HDX: variants seen among roughly 807,000 people sequenced by gnomAD.
HDX encodes the protein chromosome X open reading frame 43.
Under a neutral mutation model 45.2 loss-of-function variants are expected in HDX, and 19 were observed. That is an observed-to-expected ratio of 0.42 (90% confidence interval 0.29 to 0.62). HDX has a LOEUF of 0.62. Among genes scored for constraint, HDX ranks in the 20% least tolerant of loss-of-function variants. The pLI is 0.20. For missense variants in HDX, 532 were observed against 493.9 expected (o/e 1.08, Z -0.73); for synonymous variants, 188 against 172.8 (o/e 1.09, Z -0.69).
intron 5 of HDX, among the ~76,000 whole-genome samples, chrX:84,420,377 A>G (rs2039223912): frequency 9.0e-6 from 1 of 111,395 alleles, no homozygotes; most frequent in South Asian, 3.8e-4. Flanking sequence ...AATAGTAGAA[A>G]TGATCAAACG....
intron 9 of HDX, among the ~76,000 whole-genome samples, chrX:84,331,616 C>T (rs749282872): frequency 5.4e-5 from 6 of 111,279 alleles, no homozygotes; most frequent in Non-Finnish European, 9.5e-5. Context: ...TGTATAACAA[C>T]GTTTCAGTCA....
intron 5 of HDX, among the ~76,000 whole-genome samples, chrX:84,406,643 A>T (rs1409536773): frequency 9.0e-6 from 1 of 111,124 alleles, no homozygotes; most frequent in East Asian, 2.8e-4. Flanking sequence ...AATGTTCAAG[A>T]TATGAGATTA....
chrX:84,341,755 C>T (rs1430647248), intron 7 of HDX, among the ~76,000 whole-genome samples: 3 of 106,091 alleles, frequency 2.8e-5, no homozygotes, highest in African/African-American at 1.0e-4. Context: ...GAAGTCACTA[C>T]GTTGCTGAGG....
chrX:84,377,504 A>G (rs1347152619), intron 5 of HDX, among the ~76,000 whole-genome samples: 1 of 111,802 alleles, frequency 8.9e-6, no homozygotes, highest in African/African-American at 3.3e-5. Context: ...AAGCTCATAC[A>G]GAGAAGAAAT....
In HDX at chrX:84,328,617, A is replaced by C. The variant is rs185061984; in HGVS notation, c.1825-2317T>G. Among the ~76,000 whole-genome samples, 395 of 111,541 alleles carry C rather than the reference A, an allele frequency of 3.5e-3. 1 individual carries two copies. Among genetic ancestry groups the C allele is most frequent in the African/African-American group, 0.012 (368 of 30,723 alleles). ...CTGAATGACCAATAAGCACGTCAAA[A>C]TATGCTTAATATCATTTGTTCTTAA... On this transcript the variant is annotated intron_variant, in intron 9 of 10. Transcript: ENST00000373177.
At chrX:84,335,442 T>G (rs1198632860) in intron 8 of HDX, among the ~76,000 whole-genome samples, 1 of 111,505 alleles carries the variant, frequency 9.0e-6, no homozygotes, top group African/African-American at 3.2e-5. Flanking sequence ...AATTGCTTTT[T>G]GAAAAATTAG....
At chrX:84,377,755 A>AG (rs753295974) in intron 5 of HDX, among the ~76,000 whole-genome samples, 1 of 111,452 alleles carries the variant, frequency 9.0e-6, no homozygotes, top group East Asian at 2.8e-4. Context: ...TAGAGGATCT[A>AG]GAAAATAGAC....
chrX:84,450,864 GAGTTAAACTAGAAATC>G (rs1177508200), intron 4 of HDX, among the ~76,000 whole-genome samples: 2 of 111,761 alleles, frequency 1.8e-5, no homozygotes, highest in African/African-American at 3.2e-5. Context: ...GACCACAGTG[GAGTTAAACTAGAAATC>G]AGTAACAGGA....
chrX:84,483,981 G>A (rs1008902496), intron 2 of HDX, among the ~76,000 whole-genome samples: 1 of 111,453 alleles, frequency 9.0e-6, no homozygotes, highest in African/African-American at 3.3e-5. Context: ...ACCTCAGCCT[G>A]GACTTCATTG....
intron 5 of HDX, among the ~76,000 whole-genome samples, chrX:84,426,959 G>C (rs1404053472): frequency 9.0e-6 from 1 of 110,517 alleles, no homozygotes; most frequent in South Asian, 3.8e-4. Context: ...AAAAATAGAA[G>C]CTGAGAAAAG....
rs1445468957 is a variant in HDX at position 84,332,399 on chromosome X, T to C, written c.1824+1360A>G. ...GGAAAACACTGGATTAATACAATGC[T>C]CTTGAGAGTTCGGTGAAAATATTAA... is the stretch of plus-strand genomic sequence containing the variant. On this transcript the variant is annotated intron_variant, in intron 9 of 10. Transcript: ENST00000373177. Among the ~76,000 whole-genome samples, 5 of 111,289 alleles carry C rather than the reference T, an allele frequency of 4.5e-5. No homozygotes were observed. The East Asian group carries it at 1.1e-3, about 25-fold the overall frequency.
At chrX:84,387,858 G>A (rs938530306) in intron 5 of HDX, among the ~76,000 whole-genome samples, 1 of 111,653 alleles carries the variant, frequency 9.0e-6, no homozygotes, top group Admixed American at 9.5e-5. Flanking sequence ...TTTTGTGATG[G>A]TTGTTATGTA....
chrX:84,384,268 G>C (rs1314937347), intron 5 of HDX, among the ~76,000 whole-genome samples: 2 of 111,451 alleles, frequency 1.8e-5, no homozygotes, highest in Non-Finnish European at 3.8e-5. Context: ...ATATCTCATT[G>C]TGGTTTTGAT....
chrX:84,416,248 C>T (rs1195519429), intron 5 of HDX, among the ~76,000 whole-genome samples: 1 of 111,365 alleles, frequency 9.0e-6, no homozygotes, highest in Non-Finnish European at 1.9e-5. Flanking sequence ...ATCATCTTAT[C>T]GAGATATGCC....
chrX:84,423,483 C>CAAAAAAAAAAAAAAAAAAAAA (rs538893311), intron 5 of HDX, among the ~76,000 whole-genome samples: 1 of 59,500 alleles, frequency 1.7e-5, no homozygotes, highest in African/African-American at 6.4e-5. Flanking sequence ...ACAGAAACAT[C>CAAAAAAAAAAAAAAAAAAAAA]AAAAAAAAAA....
At chrX:84,376,805 C>A (rs2038067458) in intron 5 of HDX, among the ~76,000 whole-genome samples, 1 of 112,477 alleles carries the variant, frequency 8.9e-6, no homozygotes, top group African/African-American at 3.2e-5. Flanking sequence ...TCTGGACCCA[C>A]CTGGGGCCTG....
At chrX:84,497,326 T>C (rs2148213080) in intron 1 of HDX, among the ~76,000 whole-genome samples, 1 of 112,102 alleles carries the variant, frequency 8.9e-6, no homozygotes, top group African/African-American at 3.2e-5. Flanking sequence ...CTTTCTTAAA[T>C]GGCACAGCTA....
intron 6 of HDX, among the ~76,000 whole-genome samples, chrX:84,353,760 G>A (rs2037413471): frequency 9.0e-6 from 1 of 111,319 alleles, no homozygotes; most frequent in Admixed American, 9.6e-5. Context: ...ATGTGAGTGG[G>A]TATCATACAA....
At chrX:84,494,772 T>C (rs2040965736) in intron 1 of HDX, among the ~76,000 whole-genome samples, 2 of 111,833 alleles carry the variant, frequency 1.8e-5, no homozygotes, top group Admixed American at 9.5e-5. Context: ...GAAAACAGTA[T>C]AGAGGTCTCT....
Sources: allele counts gnomAD v4.1 joint callset (sites outside exome capture counted in the v4.1 genomes callset), GRCh38; gene constraint gnomAD v4.1.1; transcripts MANE v1.5; gene names NCBI Gene and HGNC (gene_info 2026-07-23, HGNC 2026-07-21).